The following PCDHA1 variants were observed in gnomAD, a reference collection of about 807,000 sequenced individuals.
The protein encoded by PCDHA1 is protocadherin alpha 1, also known as protocadherin alpha-1.
PCDHA1 carries 42 observed loss-of-function variants against 61.3 expected under a neutral mutation model. That is an observed-to-expected ratio of 0.69 (90% confidence interval 0.54 to 0.89). The LOEUF is 0.89. Among genes scored for constraint, PCDHA1 ranks in the 40% least tolerant of loss-of-function variants. The pLI is 0.00. For missense variants in PCDHA1, 1,256 were observed against 1,235.3 expected (o/e 1.02, Z -0.25); for synonymous variants, 610 against 553.8 (o/e 1.10, Z -1.43).
At chr5:140,917,206 T>G (rs1313611985) in intron 1 of PCDHA1, among the ~76,000 whole-genome samples, 1 of 152,104 alleles carries the variant, frequency 6.6e-6, no homozygotes, top group Admixed American at 6.5e-5. Context: ...CCCTCTTCAA[T>G]GCCTCTTTTA....
chr5:140,814,657 C>T (rs2126657567), intron 1 of PCDHA1: 3 of 151,744 alleles, frequency 2.0e-5, no homozygotes, highest in Non-Finnish European at 1.5e-5. Flanking sequence ...CCAACATCAC[C>T]ACAAACATGT....
rs529382424 is a variant in PCDHA1 at position 140,924,810 on chromosome 5, G to A, written c.2395-54139G>A. 4.8e-4 allele frequency among the ~76,000 whole-genome samples: 73 copies of A among 151,660 alleles called. No homozygotes were observed. The South Asian group carries it at 9.2e-3, about 19-fold the overall frequency. ...CTTAGGAGGCTGAGGCAAGAGAATC[G>A]CTTGAACCTGGGAGGGGGAGGTTGC... On this transcript the variant is annotated intron_variant, in intron 1 of 3. Transcript: ENST00000504120.
chr5:140,928,821 C>T, intron 1 of PCDHA1: 2 of 1,614,142 alleles, frequency 1.2e-6, no homozygotes, highest in Non-Finnish European at 1.7e-6. Context: ...ACCATGGAGA[C>T]CCACCACTTT....
chr5:140,924,715 C>A (rs1258622619), intron 1 of PCDHA1, among the ~76,000 whole-genome samples: 3 of 151,692 alleles, frequency 2.0e-5, no homozygotes, highest in Non-Finnish European at 4.4e-5. Flanking sequence ...TGCAACATGG[C>A]GAAACCTCAC....
intron 1 of PCDHA1, chr5:140,814,098 C>A (rs1252284807): frequency 6.5e-6 from 1 of 153,524 alleles, no homozygotes. Context: ...TTTGTAATAA[C>A]GCTTAGCTTA....
rs200493520 is a variant in PCDHA1 at position 140,928,140 on chromosome 5, G to T, written c.2395-50809G>T. ...TCAGTGAATACCAAGTCCTGATCAC[G>T]GCCTCAGATAGTGGCTCACCCCCAC... On this transcript the variant is annotated intron_variant, in intron 1 of 3. Transcript: ENST00000504120. The T allele has an allele frequency of 2.5e-6, 4 of 1,614,154 alleles. No homozygotes were observed. In the East Asian group the frequency reaches 6.7e-5, roughly 27 times the overall value.
chr5:140,917,439 G>T (rs1437451173), intron 1 of PCDHA1, among the ~76,000 whole-genome samples: 1 of 151,364 alleles, frequency 6.6e-6, no homozygotes, highest in Non-Finnish European at 1.5e-5. Flanking sequence ...TTTTGTTTTT[G>T]CTGCAAGAGC....
intron 1 of PCDHA1, chr5:140,822,177 A>C: frequency 1.2e-6 from 2 of 1,614,280 alleles, no homozygotes; most frequent in Non-Finnish European, 1.7e-6. Flanking sequence ...GGTTCTCCAG[A>C]CAAGAACAAA....
Position 140,996,044 on chromosome 5 carries a change from A to G in PCDHA1, c.2542+13481A>G, listed in dbSNP as rs569475149. Among the ~76,000 whole-genome samples, 13 of 152,366 alleles carry G rather than the reference A, an allele frequency of 8.5e-5. No homozygotes were observed. The South Asian group carries it at 1.9e-3, about 22-fold the overall frequency. Reference sequence around the variant, plus strand: ...GTTTAATGCTCCTAGCACTTAACACAGTGCTTGGCACACAGTAAAGAGGAT... The same window carrying G: ...GTTTAATGCTCCTAGCACTTAACACGGTGCTTGGCACACAGTAAAGAGGAT... On this transcript the variant is annotated intron_variant, in intron 3 of 3. Coordinates refer to ENST00000504120, the MANE Select transcript of PCDHA1 (RefSeq NM_018900.4).
At chr5:140,847,907 G>A (rs1382630949) in intron 1 of PCDHA1, 1 of 149,326 alleles carries the variant, frequency 6.7e-6, no homozygotes, top group Non-Finnish European at 1.5e-5. Flanking sequence ...TAGATTTCTG[G>A]GCTCCTATAT....
chr5:140,955,297 T>C (rs2153705828), intron 1 of PCDHA1, among the ~76,000 whole-genome samples: 1 of 152,262 alleles, frequency 6.6e-6, no homozygotes, highest in East Asian at 1.9e-4. Context: ...TTTGGCTGTG[T>C]CCCCACCCAA....
intron 1 of PCDHA1, chr5:140,862,950 G>A (rs559605019): frequency 1.1e-4 from 59 of 541,460 alleles, no homozygotes; most frequent in Non-Finnish European, 2.1e-4. Flanking sequence ...GAGCTGGTGC[G>A]GTATTCAGTG....
chr5:140,877,680 G>A, intron 1 of PCDHA1: 1 of 1,613,738 alleles, frequency 6.2e-7, no homozygotes, highest in Non-Finnish European at 8.5e-7. Flanking sequence ...CGCCGGGCAA[G>A]CCCACGCTGG....
intron 1 of PCDHA1, 81 bp from the exon 2 acceptor site, chr5:140,978,868 G>A: frequency 6.2e-7 from 1 of 1,606,078 alleles, no homozygotes; most frequent in Non-Finnish European, 8.5e-7. Context: ...ATATTTAAGG[G>A]AGTAACTAAT....
At chr5:140,922,577 T>C (rs155818) in intron 1 of PCDHA1, among the ~76,000 whole-genome samples, 48,013 of 152,060 alleles carry the variant, frequency 0.32, 7,938 homozygotes, top group East Asian at 0.53. Flanking sequence ...AGTTGCCCTG[T>C]AGCCGCCAGT....
intron 1 of PCDHA1, chr5:140,809,563 C>T (rs1764498458): frequency 6.2e-7 from 1 of 1,608,252 alleles, no homozygotes. Flanking sequence ...CTGAGGAATC[C>T]TTTGCAAAGG....
In PCDHA1 at chr5:140,851,114, A is replaced by C; in HGVS notation, c.2394+62430A>C. On this transcript the variant is annotated intron_variant, in intron 1 of 3. Transcript: ENST00000504120. ...TAGATATTTTTTGGGTGCTGAATCA[A>C]TTTTATTTAAATTTGTGATTAAAGT... 6 of 1,305,466 alleles carry C rather than the reference A, an allele frequency of 4.6e-6. 1 individual carries two copies. The highest frequency in any genetic ancestry group is 6.0e-6 in the Non-Finnish European group (6 of 1,007,386). 80.9% of individuals were successfully genotyped at this position (1,305,466 alleles called of 1,614,324 possible).
intron 1 of PCDHA1, chr5:140,851,866 C>T (rs1486270411): frequency 2.0e-6 from 2 of 976,572 alleles, no homozygotes; most frequent in South Asian, 9.5e-5. Flanking sequence ...TCATACATAA[C>T]ACAAGGCAGA....
At chr5:140,993,793 T>C (rs2097582526) in intron 3 of PCDHA1, among the ~76,000 whole-genome samples, 1 of 152,184 alleles carries the variant, frequency 6.6e-6, no homozygotes, top group African/African-American at 2.4e-5. Context: ...TAACATGCTG[T>C]GCAGGTTTGT....
Sources: gnomAD v4.1 joint callset for allele counts (sites outside exome capture counted in the v4.1 genomes callset) on GRCh38, gnomAD v4.1.1 for gene constraint, MANE v1.5 for transcripts, NCBI Gene and HGNC (gene_info 2026-07-23, HGNC 2026-07-21) for gene names.